The following ELAVL2 variants were observed in gnomAD, a reference collection of about 807,000 sequenced individuals.
The protein encoded by ELAVL2 is ELAV-like protein 2.
A neutral mutation model predicts 34.6 loss-of-function variants in ELAVL2; 4 were observed. That is an observed-to-expected ratio of 0.12 (90% CI 0.06 to 0.26). The LOEUF (loss-of-function observed/expected upper bound fraction) is 0.26, where lower values mean the gene tolerates loss of function less well. Among genes scored for constraint, ELAVL2 ranks in the 10% least tolerant of loss-of-function variants. ELAVL2 has a pLI of 1.00. For synonymous variants in ELAVL2, 193 were observed against 154.8 expected, an observed-to-expected ratio of 1.25 and a Z score of -1.83; for missense variants, 432 against 442.8, an observed-to-expected ratio of 0.98 and a Z score of 0.22.
intron 2 of ELAVL2, among the ~76,000 whole-genome samples, chr9:23,742,369 C>T (rs900907617): frequency 1.5e-4 from 23 of 152,288 alleles, no homozygotes; most frequent in African/African-American, 5.3e-4. Context: ...TGTTAACAAA[C>T]CTTATTTTTA....
the ELAVL2 span, chr9:23,847,445 A>T: frequency 6.6e-6 from 1 of 152,048 alleles, no homozygotes; most frequent in East Asian, 1.9e-4. Flanking sequence ...ACTTTCTATG[A>T]GAGTATTGCT....
rs2033633150 is a variant in ELAVL2, at chr9:23,692,824, G to T, written c.813C>A (p.His271Gln). The change falls in exon 7 of 7, where the codon CAC becomes CAA. Residue 271 changes from histidine (H) to glutamine (Q), a missense_variant. Transcript: ENST00000397312. ...CAAATATACACCACCCTGTTCCAGG[G>T]TGCCCAGGGATATTAATTCCAGCCA... ...TSLAGINIPG[H>Q]PGTGWCIFVY... is the part of the protein sequence containing the mutation. 6.2e-7 allele frequency: 1 copy of T among 1,614,038 alleles called. No homozygotes were observed. The highest frequency in any genetic ancestry group is 1.3e-5 in the African/African-American group (1 of 74,928).
rs145321116 is a variant in ELAVL2 at position 23,762,810 on chromosome 9, C to T, written c.-15-561G>A. Among the ~76,000 whole-genome samples, 258 of 152,034 alleles carry T rather than the reference C, an allele frequency of 1.7e-3. 1 individual carries two copies. Among genetic ancestry groups the T allele is most frequent in the African/African-American group, 6.0e-3 (250 of 41,494 alleles). ...TACTGTTTTGGTTACATATTGAAAA[C>T]GTTTTTGATGGACAATATCTTATCT... On this transcript the variant is annotated intron_variant, in intron 1 of 6. Coordinates refer to ENST00000397312, the MANE Select transcript of ELAVL2 (RefSeq NM_004432.5).
rs180776373 is a variant in ELAVL2 at position 23,752,392 on chromosome 9, C to G, written c.229+9614G>C. On this transcript the variant is annotated intron_variant, in intron 2 of 6. Coordinates refer to ENST00000397312, the MANE Select transcript of ELAVL2 (RefSeq NM_004432.5). Reference sequence around the variant, plus strand: ...TTTGATTCAAACTTAATCCCAAGAACTTGATCCCAAACTAAGTAACAAACC... The same window carrying G: ...TTTGATTCAAACTTAATCCCAAGAAGTTGATCCCAAACTAAGTAACAAACC... Among the ~76,000 whole-genome samples the G allele has an allele frequency of 5.9e-5, 9 of 152,164 alleles. No homozygotes were observed. The East Asian group carries it at 1.7e-3, about 29-fold the overall frequency.
At chr9:23,716,777 G>C (rs1349099867) in intron 3 of ELAVL2, among the ~76,000 whole-genome samples, 1 of 152,154 alleles carries the variant, frequency 6.6e-6, no homozygotes, top group South Asian at 2.1e-4. Context: ...TCAATGACAG[G>C]GTTAGAGGGC....
intron 1 of ELAVL2, among the ~76,000 whole-genome samples, chr9:23,766,920 G>C (rs748467673): frequency 2.2e-4 from 34 of 152,066 alleles, no homozygotes; most frequent in Non-Finnish European, 3.7e-4. Flanking sequence ...CCATATTCCA[G>C]TGAAACAGAG....
intron 3 of ELAVL2, among the ~76,000 whole-genome samples, chr9:23,727,390 G>A (rs2045491904): frequency 6.6e-6 from 1 of 152,104 alleles, no homozygotes; most frequent in Non-Finnish European, 1.5e-5. Flanking sequence ...GTTGAACTCT[G>A]AATGCTAAAC....
chr9:23,731,340 G>GAA (rs5897060), intron 2 of ELAVL2, among the ~76,000 whole-genome samples: 211 of 148,934 alleles, frequency 1.4e-3, no homozygotes, highest in Non-Finnish European at 2.1e-3. Context: ...TGCTGTTTAG[G>GAA]AAAAAAAAAA....
the ELAVL2 span, among the ~76,000 whole-genome samples, chr9:23,848,536 G>T: frequency 6.6e-6 from 1 of 151,990 alleles, no homozygotes; most frequent in Non-Finnish European, 1.5e-5. Context: ...ACTTTCCTGT[G>T]GTAGTTACTG....
intron 1 of ELAVL2, among the ~76,000 whole-genome samples, chr9:23,803,788 A>G (rs1306846930): frequency 1.3e-5 from 2 of 152,160 alleles, no homozygotes; most frequent in Non-Finnish European, 2.9e-5. Flanking sequence ...AAAGAGCTTC[A>G]CAAGTGCTAC....
intron 1 of ELAVL2, among the ~76,000 whole-genome samples, chr9:23,771,852 AG>A (rs1323229312): frequency 6.6e-6 from 1 of 152,158 alleles, no homozygotes; most frequent in Non-Finnish European, 1.5e-5. Context: ...ACAATAGTAA[AG>A]GTTAAGCCAT....
chr9:23,699,830 T>TTG (rs1413286680), intron 5 of ELAVL2, among the ~76,000 whole-genome samples: 11 of 80,786 alleles, frequency 1.4e-4, no homozygotes, highest in Non-Finnish European at 2.3e-4. Flanking sequence ...TTTTTTTTTT[T>TTG]TTTTTTTTTT....
intron 6 of ELAVL2, among the ~76,000 whole-genome samples, chr9:23,693,232 C>T (rs941109194): frequency 2.6e-5 from 4 of 152,096 alleles, no homozygotes; most frequent in Admixed American, 1.3e-4. Context: ...TAACGCAATA[C>T]GAAACAAATG....
chr9:23,715,506 A>T (rs1170977759), intron 3 of ELAVL2, among the ~76,000 whole-genome samples: 2 of 152,204 alleles, frequency 1.3e-5, no homozygotes, highest in South Asian at 2.1e-4. Context: ...GCATTTGCCC[A>T]AATAACTTGG....
At chr9:23,821,766 GCCGCGCC>G (rs1003485007) in intron 1 of ELAVL2, 13 of 150,208 alleles carry the variant, frequency 8.7e-5, no homozygotes, top group Admixed American at 2.6e-4. Context: ...CCCGCGCCGC[GCCGCGCC>G]GCGCCGGCAA....
the ELAVL2 span, among the ~76,000 whole-genome samples, chr9:23,840,531 C>T: frequency 2.0e-5 from 3 of 152,154 alleles, no homozygotes; most frequent in African/African-American, 4.8e-5. Flanking sequence ...GTTATCTCTG[C>T]TGAGCAGATT....
chr9:23,793,820 C>G (rs2060598024), intron 1 of ELAVL2, among the ~76,000 whole-genome samples: 1 of 152,192 alleles, frequency 6.6e-6, no homozygotes, highest in African/African-American at 2.4e-5. Context: ...ATTTTCTCCA[C>G]TCATGATCTT....
Position 23,795,128 on chromosome 9 carries a change from A to G in ELAVL2, c.-16+30678T>C, listed in dbSNP as rs1253550892. ...CTAAGCAATATTTTCAAAGTCAACA[A>G]CTTTGAAAAATTAAGTCCTTATCTT... On this transcript the variant is annotated intron_variant, in intron 1 of 6. Transcript: ENST00000397312. Among the ~76,000 whole-genome samples, 18 of 152,306 alleles carry G rather than the reference A, an allele frequency of 1.2e-4. No homozygotes were observed. In the East Asian group the frequency reaches 2.7e-3, roughly 23 times the overall value.
chr9:23,720,660 T>C lies in ELAVL2; in HGVS notation c.333+10362A>G, dbSNP rs555535454. On this transcript the variant is annotated intron_variant, in intron 3 of 6. Coordinates refer to ENST00000397312, the MANE Select transcript of ELAVL2 (RefSeq NM_004432.5). ...TAGGTAAATCCAGCACTATATTCAT[T>C]AAAAACACATTAGTGAATCCCAGCC... Among the ~76,000 whole-genome samples the C allele has an allele frequency of 2.0e-5, 3 of 152,320 alleles. 1 individual carries two copies. Among genetic ancestry groups the C allele is most frequent in the African/African-American group, 7.2e-5 (3 of 41,580 alleles).
Sources: allele counts gnomAD v4.1 joint callset (sites outside exome capture counted in the v4.1 genomes callset), GRCh38; gene constraint gnomAD v4.1.1; transcripts MANE v1.5; gene names NCBI Gene and HGNC (gene_info 2026-07-23, HGNC 2026-07-21).